RORA: variants seen among roughly 807,000 people sequenced by gnomAD.
RORA encodes the protein RAR related orphan receptor A, also known as nuclear receptor ROR-alpha.
RORA carries 7 observed loss-of-function variants against 69.5 expected under a neutral mutation model. The observed-to-expected ratio is 0.10, with a 90% CI of 0.06 to 0.19. The LOEUF (loss-of-function observed/expected upper bound fraction) is 0.19. Among genes scored for constraint, RORA ranks in the 10% least tolerant of loss-of-function variants. RORA has a pLI of 1.00. For missense variants in RORA, 457 were observed against 663.0 expected (o/e 0.69, Z 3.41); for synonymous variants, 261 against 240.8 (o/e 1.08, Z -0.78).
intron 1 of RORA, among the ~76,000 whole-genome samples, chr15:60,956,525 C>A (rs1893272665): frequency 6.6e-6 from 1 of 152,138 alleles, no homozygotes; most frequent in Non-Finnish European, 1.5e-5. Flanking sequence ...AGCTTTGAAC[C>A]AAACCACCCA....
At chr15:60,721,230 T>A (rs2071289480) in intron 1 of RORA, among the ~76,000 whole-genome samples, 2 of 152,114 alleles carry the variant, frequency 1.3e-5, no homozygotes, top group South Asian at 4.1e-4. Flanking sequence ...ATGACCTCAT[T>A]AAGCTGCACC....
chr15:60,824,626 C>A (rs543429634), intron 1 of RORA, among the ~76,000 whole-genome samples: 2 of 152,298 alleles, frequency 1.3e-5, no homozygotes, highest in Admixed American at 6.5e-5. Flanking sequence ...AATTATATAA[C>A]CTTCCTTTGT....
chr15:60,648,450 C>G (rs945114836), intron 2 of RORA, among the ~76,000 whole-genome samples: 4 of 152,222 alleles, frequency 2.6e-5, no homozygotes, highest in Non-Finnish European at 4.4e-5. Context: ...GCTGGACATA[C>G]TTTATCCAAA....
chr15:60,515,640 T>A (rs1337335479), intron 3 of RORA, among the ~76,000 whole-genome samples: 2 of 151,886 alleles, frequency 1.3e-5, no homozygotes, highest in African/African-American at 2.4e-5. Context: ...ACGTAGTATT[T>A]TCATTCTCAT....
At chr15:60,936,838 T>C (rs1011514281) in intron 1 of RORA, among the ~76,000 whole-genome samples, 1 of 152,238 alleles carries the variant, frequency 6.6e-6, no homozygotes, top group Non-Finnish European at 1.5e-5. Flanking sequence ...AGTAGAAATG[T>C]CCAGTCGTTG....
chr15:60,894,210 G>T (rs1455969565), intron 1 of RORA, among the ~76,000 whole-genome samples: 1 of 152,230 alleles, frequency 6.6e-6, no homozygotes, highest in Admixed American at 6.5e-5. Flanking sequence ...AGCCGCTTCA[G>T]CGATCATTTT....
rs544288759 is a variant in RORA, at chr15:61,123,549, T to C, written c.166+105504A>G. Among the ~76,000 whole-genome samples the C allele has an allele frequency of 2.0e-5, 3 of 152,312 alleles. No homozygotes were observed. The South Asian group carries it at 6.2e-4, about 32-fold the overall frequency. On this transcript the variant is annotated intron_variant, in intron 1 of 10. Coordinates refer to ENST00000335670, the MANE Select transcript of RORA (RefSeq NM_134261.3). Reference sequence around the variant, plus strand: ...TATAAAACTATCTGCAAATTGGGAATGTTCTCACCCACTGGTTCTAGATGC... The same window carrying C: ...TATAAAACTATCTGCAAATTGGGAACGTTCTCACCCACTGGTTCTAGATGC...
At chr15:60,791,303 T>C (rs971514331) in intron 1 of RORA, among the ~76,000 whole-genome samples, 10 of 152,208 alleles carry the variant, frequency 6.6e-5, no homozygotes, top group Admixed American at 2.0e-4. Flanking sequence ...TAAATATAAA[T>C]GTAAGGGCTA....
intron 1 of RORA, among the ~76,000 whole-genome samples, chr15:61,189,874 A>AAAT: frequency 6.7e-6 from 1 of 149,680 alleles, no homozygotes; most frequent in Non-Finnish European, 1.5e-5. Context: ...AAAAAAAAAA[A>AAAT]AAAAAAAACC....
chr15:60,691,976 G>A (rs972755501), intron 1 of RORA, among the ~76,000 whole-genome samples: 1 of 152,196 alleles, frequency 6.6e-6, no homozygotes, highest in African/African-American at 2.4e-5. Flanking sequence ...TGTGTGGCTG[G>A]CTTCTCCTAC....
chr15:60,642,279 G>T (rs144158062), intron 2 of RORA, among the ~76,000 whole-genome samples: 1 of 152,256 alleles, frequency 6.6e-6, no homozygotes, highest in Admixed American at 6.5e-5. Flanking sequence ...TAAAAAGGAG[G>T]GGATGGTAGA....
rs376678322 is a variant in RORA at position 61,024,682 on chromosome 15, A to G, written c.166+204371T>C. Reference sequence around the variant, plus strand: ...GTCAGGCTGGTCTTGAACTCCTGACATCACATGACCTGCCCACCTCAGCCT... The same window carrying G: ...GTCAGGCTGGTCTTGAACTCCTGACGTCACATGACCTGCCCACCTCAGCCT... On this transcript the variant is annotated intron_variant, in intron 1 of 10. Transcript: ENST00000335670. Among the ~76,000 whole-genome samples, 44 of 152,082 alleles carry G rather than the reference A, an allele frequency of 2.9e-4. 2 individuals are homozygous for G. In the South Asian group the frequency reaches 6.7e-3, roughly 23 times the overall value.
intron 2 of RORA, chr15:60,677,061 C>A (rs2070564673): frequency 4.9e-6 from 2 of 407,464 alleles, no homozygotes; most frequent in South Asian, 3.4e-5. Context: ...GGAGTCCATA[C>A]CCCAAACCAC....
intron 1 of RORA, among the ~76,000 whole-genome samples, chr15:61,008,164 CAT>C (rs1295283595): frequency 1.3e-5 from 2 of 150,706 alleles, no homozygotes; most frequent in Admixed American, 6.6e-5. Flanking sequence ...TTTGGATAAA[CAT>C]GTGGAGGTAT....
chr15:60,937,032 C>G (rs778132740), intron 1 of RORA, among the ~76,000 whole-genome samples: 5 of 152,056 alleles, frequency 3.3e-5, no homozygotes, highest in Non-Finnish European at 5.9e-5. Flanking sequence ...TTAATGTGTG[C>G]TAGGCACCAT....
chr15:60,517,883 T>TG (rs1482546761), intron 3 of RORA, among the ~76,000 whole-genome samples: 2 of 152,232 alleles, frequency 1.3e-5, no homozygotes, highest in African/African-American at 4.8e-5. Context: ...TTTCTTTAAG[T>TG]GGAGCTAGTA....
intron 2 of RORA, among the ~76,000 whole-genome samples, chr15:60,663,255 C>G (rs1369084039): frequency 6.6e-6 from 1 of 152,160 alleles, no homozygotes; most frequent in Non-Finnish European, 1.5e-5. Flanking sequence ...AAGATACCTT[C>G]GTTTATTTAA....
intron 2 of RORA, among the ~76,000 whole-genome samples, chr15:60,624,527 AGTATATATATATTTGCTG>A (rs2069518038): frequency 8.2e-6 from 1 of 121,380 alleles, no homozygotes; most frequent in African/African-American, 3.3e-5. Context: ...ATATATATAT[AGTATATATATATTTGCTG>A]TATATATATA....
chr15:60,558,478 T>C, intron 2 of RORA: 1 of 536,718 alleles, frequency 1.9e-6, no homozygotes, highest in East Asian at 3.1e-5. Flanking sequence ...CTGAATATTT[T>C]TGTTGGGCAG....
Sources: gnomAD v4.1 joint callset for allele counts (sites outside exome capture counted in the v4.1 genomes callset) on GRCh38, gnomAD v4.1.1 for gene constraint, MANE v1.5 for transcripts, NCBI Gene and HGNC (gene_info 2026-07-23, HGNC 2026-07-21) for gene names.